Variants in EDC3 observed in about 807,000 individuals in gnomAD.
The protein encoded by EDC3 is enhancer of mRNA-decapping protein 3.
In EDC3, 20 loss-of-function variants were observed where a neutral mutation model predicts 41.8. The ratio of observed to expected loss-of-function variants is 0.48; its 90% confidence interval spans 0.34 to 0.70. EDC3 has a LOEUF of 0.70. Ranked by LOEUF, EDC3 falls within the 30% of genes least tolerant of loss-of-function variation. EDC3 has a pLI of 0.01. For missense variants in EDC3, 444 were observed against 636.8 expected, an observed-to-expected ratio of 0.70 and a Z score of 3.26; for synonymous variants, 206 against 243.2, an observed-to-expected ratio of 0.85 and a Z score of 1.42.
chr15:74,632,777 A>G lies in EDC3; in HGVS notation c.1362T>C (p.Asp454=), dbSNP rs762330897. The G allele has an allele frequency of 6.2e-7, 1 of 1,614,258 alleles. No homozygotes were observed. Residue 454 remains aspartate (D), a synonymous_variant, in exon 7 of 7, where the codon GAT becomes GAC. Coordinates refer to ENST00000315127, the MANE Select transcript of EDC3 (RefSeq NM_025083.5). The surrounding 1 kb of genome is among the most constrained non-coding windows in gnomAD (Gnocchi z 4.0). ...GGCCCAGTGCCAGTGACCATTTGGC[A>G]TCAATGCCCTGTTCGACTTCATGCA... The part of the protein sequence containing the change: ...PPVHEVEQGI[D]AKWSLALGLP...
At chr15:74,678,816 G>A (rs780145582) in intron 1 of EDC3, among the ~76,000 whole-genome samples, 9 of 151,730 alleles carry the variant, frequency 5.9e-5, no homozygotes, top group Non-Finnish European at 1.2e-4. Flanking sequence ...CTTGAAATGG[G>A]GAGGTGGAGG....
chr15:74,634,235 C>T (rs914542400), intron 6 of EDC3, among the ~76,000 whole-genome samples: 54 of 152,224 alleles, frequency 3.5e-4, no homozygotes, highest in African/African-American at 1.2e-3. Flanking sequence ...CTTGCTGACA[C>T]ACTGACCACA....
In EDC3 at chr15:74,671,748, AT is replaced by A. The variant is rs1448011965; in HGVS notation, c.190del (p.Ile64PhefsTer21). ...GTCTCCAGGTCCTGGTATCTCCAGA[AT>A]TTTTAACTCCGTAATGTCACCTGCC... ...FRAGDITELK[I>X]LEIPGPGDNQ... is the part of the protein sequence containing the mutation. On this transcript the variant is annotated frameshift_variant, in exon 3 of 7. Coordinates refer to ENST00000315127, the MANE Select transcript of EDC3 (RefSeq NM_025083.5). LOFTEE classifies it high-confidence loss of function. The surrounding 1 kb of genome is among the most constrained non-coding windows in gnomAD (Gnocchi z 4.6). 6.2e-7 allele frequency: 1 copy of A among 1,613,940 alleles called. No homozygotes were observed. Among genetic ancestry groups the A allele is most frequent in the Non-Finnish European group, 8.5e-7 (1 of 1,179,972 alleles).
Position 74,670,010 on chromosome 15 carries a change from A to ATT in EDC3, c.484+1443_484+1444dup, listed in dbSNP as rs757043746. Among the ~76,000 whole-genome samples, 947 of 116,230 alleles carry ATT rather than the reference A, an allele frequency of 8.1e-3. 52 individuals carry two copies. Among genetic ancestry groups the ATT allele is most frequent in the African/African-American group, 0.029 (830 of 28,252 alleles). 76.3% of individuals were successfully genotyped at this position (116,230 alleles called of 152,430 possible). A position where few individuals can be genotyped will look rare whatever the true frequency, so the allele number is the denominator to read the frequency against. ...AGGTGCACGCTGCCACGCCCAGCTA[A>ATT]TTTTTTTTTTTTTTTTTTTTTTTTT... On this transcript the variant is annotated intron_variant, in intron 3 of 6. Coordinates refer to ENST00000315127, the MANE Select transcript of EDC3 (RefSeq NM_025083.5).
chr15:74,682,579 C>T (rs1427365150), intron 1 of EDC3, among the ~76,000 whole-genome samples: 1 of 141,016 alleles, frequency 7.1e-6, no homozygotes, highest in Non-Finnish European at 1.5e-5. Context: ...GATGGGGCCA[C>T]TGCACTCCAG....
chr15:74,686,798 A>T (rs937089767), intron 1 of EDC3, among the ~76,000 whole-genome samples: 2 of 151,856 alleles, frequency 1.3e-5, no homozygotes, highest in Non-Finnish European at 2.9e-5. Flanking sequence ...TACATAAATG[A>T]AGGGAAAGGG....
chr15:74,638,814 T>C (rs2062308856), intron 5 of EDC3: 1 of 152,136 alleles, frequency 6.6e-6, no homozygotes. Flanking sequence ...TGAAGTTCAC[T>C]GATTTCTGAC....
At chr15:74,666,128 C>T (rs1353416425) in intron 3 of EDC3, among the ~76,000 whole-genome samples, 1 of 152,110 alleles carries the variant, frequency 6.6e-6, no homozygotes, top group Non-Finnish European at 1.5e-5. Context: ...CTTCATCAAT[C>T]TACTAGTCTC....
chr15:74,638,257 T>TA (rs1384158161), intron 5 of EDC3: 1 of 151,768 alleles, frequency 6.6e-6, no homozygotes, highest in African/African-American at 2.4e-5. Context: ...CATCTACTCT[T>TA]ACACCATCTA....
chr15:74,677,378 T>C (rs2062818494), intron 1 of EDC3, among the ~76,000 whole-genome samples: 2 of 149,998 alleles, frequency 1.3e-5, no homozygotes, highest in South Asian at 2.2e-4. Flanking sequence ...TTTTTTTTTT[T>C]TGGAGACTGA....
rs536253072 is a variant in EDC3 at position 74,632,356 on chromosome 15, C to T, written c.*256G>A. On this transcript the variant is annotated 3_prime_UTR_variant, in exon 7 of 7. Coordinates refer to ENST00000315127, the MANE Select transcript of EDC3 (RefSeq NM_025083.5). This position sits in a 1 kb window ranked among gnomAD's most constrained non-coding sequence, Gnocchi z 4.0. ...GGCTGTAAACAAAGGCCCACCTGGC[C>T]GTGCAGGGGGCTGAGGGTAGAGATG... 5.6e-6 allele frequency: 3 copies of T among 538,040 alleles called. No individual in the cohort carries two copies. The highest frequency in any genetic ancestry group is 3.8e-5 in the African/African-American group (2 of 52,844). The allele number at this position is 538,040 out of a possible 1,614,324, so 33.3% of individuals were successfully genotyped here.
At chr15:74,645,243 G>A (rs2062399292) in intron 4 of EDC3, 1 of 152,160 alleles carries the variant, frequency 6.6e-6, no homozygotes, top group Non-Finnish European at 1.5e-5. Context: ...TAATTGGGAA[G>A]TTTTGCATAC....
chr15:74,666,102 GATTAT>G (rs1261933794), intron 3 of EDC3, among the ~76,000 whole-genome samples: 2 of 152,032 alleles, frequency 1.3e-5, no homozygotes, highest in Middle Eastern at 3.4e-3. Context: ...CCGGCCGACA[GATTAT>G]ATTTCTATAG....
intron 3 of EDC3, among the ~76,000 whole-genome samples, chr15:74,660,331 GAGGT>G (rs1331337706): frequency 4.0e-5 from 6 of 151,884 alleles, no homozygotes; most frequent in African/African-American, 1.5e-4. Context: ...TGGAACCCAG[GAGGT>G]GGAGGTTGCA....
rs772918147 is a variant in EDC3 at position 74,635,394 on chromosome 15, T to G, written c.1192+15A>C. 10 of 1,613,396 alleles carry G rather than the reference T, an allele frequency of 6.2e-6. No individual in the cohort carries two copies. Among genetic ancestry groups the G allele is most frequent in the Non-Finnish European group, 8.5e-6 (10 of 1,179,362 alleles). On this transcript the variant is annotated intron_variant, in intron 6 of 6. Coordinates refer to ENST00000315127, the MANE Select transcript of EDC3 (RefSeq NM_025083.5). ...AGGGAGGAGGCCTTCAGCCCAGCCCTGCCTAAGTGCTCACCTTTGAGGCTA... is the reference window on the plus strand; with the variant it reads ...AGGGAGGAGGCCTTCAGCCCAGCCCGGCCTAAGTGCTCACCTTTGAGGCTA...
intron 1 of EDC3, among the ~76,000 whole-genome samples, chr15:74,684,621 G>GA (rs35655079): frequency 6.5e-4 from 91 of 140,834 alleles, no homozygotes; most frequent in Admixed American, 8.3e-4. Context: ...ACAAGAAAAA[G>GA]AAAAAAAAAA....
chr15:74,656,049 G>A lies in EDC3; in HGVS notation c.504C>T (p.His168=), dbSNP rs758336758. The A allele has an allele frequency of 4.3e-6, 7 of 1,611,628 alleles. No individual in the cohort carries two copies. Among genetic ancestry groups the A allele is most frequent in the South Asian group, 3.3e-5 (3 of 91,012 alleles). Residue 168 remains histidine, a synonymous_variant, in exon 4 of 7, where the codon CAC becomes CAT. Coordinates refer to ENST00000315127, the MANE Select transcript of EDC3 (RefSeq NM_025083.5). The part of the protein sequence containing the change: ...RHNSWSSSSR[H]PNQATPKKSG... Reference sequence around the variant, plus strand: ...TTTTCTTGGGAGTTGCCTGATTTGGGTGCCTGCTACTAGATGACCCTGGAG... The same window carrying A: ...TTTTCTTGGGAGTTGCCTGATTTGGATGCCTGCTACTAGATGACCCTGGAG...
intron 3 of EDC3, among the ~76,000 whole-genome samples, chr15:74,658,483 ATT>A (rs888712595): frequency 1.3e-5 from 2 of 152,148 alleles, no homozygotes; most frequent in Admixed American, 6.5e-5. Flanking sequence ...GCATTAACAA[ATT>A]AATATCAGCA....
At chr15:74,664,292 G>C (rs368837429) in intron 3 of EDC3, among the ~76,000 whole-genome samples, 87 of 152,360 alleles carry the variant, frequency 5.7e-4, no homozygotes, top group African/African-American at 1.9e-3. Flanking sequence ...CATCCCAAAG[G>C]GCCTGGCTCT....
Sources: allele counts gnomAD v4.1 joint callset (sites outside exome capture counted in the v4.1 genomes callset), GRCh38; gene constraint gnomAD v4.1.1; non-coding constraint Gnocchi (gnomAD v3.1); transcripts MANE v1.5; gene names NCBI Gene and HGNC (gene_info 2026-07-23, HGNC 2026-07-21).